The following TAFA2 variants were observed in gnomAD, a reference collection of about 807,000 sequenced individuals.
TAFA2 encodes TAFA chemokine like family member 2, also known as chemokine-like protein TAFA-2.
Under a neutral mutation model 18.8 loss-of-function variants are expected in TAFA2, and 7 were observed. The ratio of observed to expected loss-of-function variants is 0.37; its 90% CI spans 0.21 to 0.70. TAFA2 has a LOEUF of 0.70. Ranked by LOEUF, TAFA2 falls within the 30% of genes least tolerant of loss-of-function variation. The probability of loss-of-function intolerance (pLI) is 0.53; values close to 1 mark genes in which losing one functional copy is unlikely to be tolerated. For synonymous variants in TAFA2, 60 were observed against 54.2 expected (o/e 1.11, Z -0.47); for missense variants, 122 against 158.1 (o/e 0.77, Z 1.23).
rs151026993 is a variant in TAFA2 at position 62,149,587 on chromosome 12, T to TTATA, written c.-2+41668_-2+41671dup. On this transcript the variant is annotated intron_variant, in intron 1 of 4. Coordinates refer to ENST00000416284, the MANE Select transcript of TAFA2 (RefSeq NM_178539.5). ...TATTCTATTTATATATATATACACATTATATATATATATATACTCTTGACT... is the reference window on the plus strand; with the variant it reads ...TATTCTATTTATATATATATACACATTATATATATATATATATATACTCTTGACT... Among the ~76,000 whole-genome samples the TTATA allele has an allele frequency of 2.8e-3, 407 of 146,936 alleles. 1 individual carries two copies. The highest frequency in any genetic ancestry group is 8.7e-3 in the African/African-American group (352 of 40,528).
chr12:62,072,786 A>G (rs1311304820), intron 1 of TAFA2, among the ~76,000 whole-genome samples: 1 of 152,206 alleles, frequency 6.6e-6, no homozygotes, highest in Non-Finnish European at 1.5e-5. Context: ...ACCTTGTCTA[A>G]AATAAATAAA....
chr12:62,021,468 A>C, intron 1 of TAFA2: 10 of 427,214 alleles, frequency 2.3e-5, no homozygotes, highest in East Asian at 5.5e-5. Context: ...AGTCCACTGC[A>C]TCATTCTTTT....
chr12:61,879,631 C>T, intron 1 of TAFA2: 13 of 845,202 alleles, frequency 1.5e-5, no homozygotes. Context: ...ACAAGTTTGC[C>T]TCCTTCATCG....
intron 1 of TAFA2, among the ~76,000 whole-genome samples, chr12:62,078,606 G>A (rs1868273803): frequency 6.6e-6 from 1 of 152,066 alleles, no homozygotes; most frequent in South Asian, 2.1e-4. Context: ...CTGTGCAGAT[G>A]CTAAAAATTC....
chr12:61,899,870 G>C (rs1221731979), intron 1 of TAFA2, among the ~76,000 whole-genome samples: 1 of 152,174 alleles, frequency 6.6e-6, no homozygotes. Context: ...AAGTGATCTA[G>C]AGATGATTTA....
chr12:61,759,639 G>A (rs1384140622), intron 2 of TAFA2, among the ~76,000 whole-genome samples: 2 of 151,990 alleles, frequency 1.3e-5, no homozygotes, highest in African/African-American at 4.8e-5. Context: ...ATAACTACAA[G>A]GTAATACTTT....
chr12:61,982,235 A>G (rs762280137), intron 1 of TAFA2, among the ~76,000 whole-genome samples: 8 of 152,164 alleles, frequency 5.3e-5, no homozygotes, highest in Non-Finnish European at 1.2e-4. Context: ...TGGGAAATGA[A>G]CAATCAGATC....
intron 1 of TAFA2, among the ~76,000 whole-genome samples, chr12:62,199,420 A>G (rs1420673233): frequency 2.0e-5 from 3 of 151,894 alleles, no homozygotes; most frequent in African/African-American, 7.2e-5. Context: ...TCATGTGTTC[A>G]CATTGTTCAG....
At chr12:61,930,106 G>A (rs530151531) in intron 1 of TAFA2, among the ~76,000 whole-genome samples, 1 of 151,908 alleles carries the variant, frequency 6.6e-6, no homozygotes, top group Non-Finnish European at 1.5e-5. Flanking sequence ...GTATACATAT[G>A]TAACAAGCCT....
chr12:61,794,839 G>A (rs1301140690), intron 2 of TAFA2, among the ~76,000 whole-genome samples: 6 of 151,992 alleles, frequency 3.9e-5, no homozygotes, highest in Non-Finnish European at 7.4e-5. Flanking sequence ...ATCTGACAAA[G>A]GGCTAATATC....
intron 2 of TAFA2, among the ~76,000 whole-genome samples, chr12:61,808,031 A>T (rs944954964): frequency 1.3e-5 from 2 of 151,540 alleles, no homozygotes; most frequent in Non-Finnish European, 2.9e-5. Flanking sequence ...GGAAGGCAAG[A>T]TTGGTTTTCA....
intron 2 of TAFA2, among the ~76,000 whole-genome samples, chr12:61,810,895 T>C (rs999438801): frequency 6.6e-6 from 1 of 151,254 alleles, no homozygotes; most frequent in African/African-American, 2.5e-5. Flanking sequence ...GAAGATCAGG[T>C]AGAACTGAGA....
intron 1 of TAFA2, among the ~76,000 whole-genome samples, chr12:61,876,088 C>T (rs957822996): frequency 6.6e-6 from 1 of 151,976 alleles, no homozygotes; most frequent in Non-Finnish European, 1.5e-5. Flanking sequence ...CATAATAAAA[C>T]ATTTTCTTTC....
intron 1 of TAFA2, chr12:61,879,677 C>T: frequency 9.5e-7 from 1 of 1,052,502 alleles, no homozygotes; most frequent in Non-Finnish European, 1.5e-6. Context: ...GAACAGGATG[C>T]TGGAGGCCAA....
At position 61,818,490 on chromosome 12, in the gene TAFA2, TACACACACAC is replaced by T. The variant is rs3034071; in HGVS notation, c.106+48820_106+48829del. On this transcript the variant is annotated intron_variant, in intron 2 of 4. Coordinates refer to ENST00000416284, the MANE Select transcript of TAFA2 (RefSeq NM_178539.5). ...AGATCGAGACCCTGTCTCAAAAAAA[TACACACACAC>T]ACACACACACACACACACACACACA... 7.8e-5 allele frequency among the ~76,000 whole-genome samples: 11 copies of T among 140,800 alleles called. No individual in the cohort carries two copies. In the East Asian group the frequency reaches 1.3e-3, roughly 16 times the overall value. 92.4% of individuals were successfully genotyped at this position (140,800 alleles called of 152,430 possible). A position where few individuals can be genotyped will look rare whatever the true frequency, so the allele number is the denominator to read the frequency against.
At chr12:61,769,103 C>T (rs1383553443) in intron 2 of TAFA2, among the ~76,000 whole-genome samples, 4 of 151,944 alleles carry the variant, frequency 2.6e-5, no homozygotes, top group Admixed American at 6.6e-5. Context: ...TGGTATGAAG[C>T]AGCAGAGGCA....
In TAFA2 at chr12:61,781,223, G is replaced by C. The variant is rs1264885201; in HGVS notation, c.107-26199C>G. Among the ~76,000 whole-genome samples the C allele has an allele frequency of 2.6e-5, 4 of 151,810 alleles. No homozygotes were observed. The East Asian group carries it at 5.9e-4, about 22-fold the overall frequency. On this transcript the variant is annotated intron_variant, in intron 2 of 4. Transcript: ENST00000416284. ...ATTTGGACTGGGGAGCAGGAAGCCT[G>C]AGAAGGATAGAAGAGCCAGGAGAGG...
intron 1 of TAFA2, among the ~76,000 whole-genome samples, chr12:61,893,809 G>C (rs946366169): frequency 6.6e-6 from 1 of 152,134 alleles, no homozygotes; most frequent in African/African-American, 2.4e-5. Flanking sequence ...GTTGTTTCAA[G>C]ACATTTTGAT....
intron 4 of TAFA2, among the ~76,000 whole-genome samples, chr12:61,753,127 T>A (rs920428203): frequency 6.6e-6 from 1 of 152,004 alleles, no homozygotes; most frequent in African/African-American, 2.4e-5. Flanking sequence ...CCCATTACAA[T>A]AATTGTAAAT....
Sources: allele counts gnomAD v4.1 joint callset (sites outside exome capture counted in the v4.1 genomes callset), GRCh38; gene constraint gnomAD v4.1.1; transcripts MANE v1.5; gene names NCBI Gene and HGNC (gene_info 2026-07-23, HGNC 2026-07-21).